FAM149A: variants seen among roughly 807,000 people sequenced by gnomAD.
FAM149A encodes protein FAM149A.
A neutral mutation model predicts 78.2 loss-of-function variants in FAM149A; 71 were observed. The observed-to-expected ratio is 0.91, with a 90% CI of 0.75 to 1.11. The LOEUF (loss-of-function observed/expected upper bound fraction) is 1.11. Ranked by LOEUF, FAM149A falls within the 50% of genes least tolerant of loss-of-function variation. FAM149A has a pLI of 0.00. For synonymous variants in FAM149A, 446 were observed against 410.5 expected (o/e 1.09, Z -1.04); for missense variants, 1,036 against 971.0 (o/e 1.07, Z -0.89).
intron 1 of FAM149A, chr4:186,123,861 TTA>T: frequency 1.2e-5 from 12 of 982,258 alleles, no homozygotes; most frequent in Non-Finnish European, 1.4e-5. Context: ...CAGCAAATAT[TTA>T]TGTGACAATC....
chr4:186,149,094 A>C, intron 1 of FAM149A, 79 bp from the exon 2 acceptor site: 2 of 1,172,440 alleles, frequency 1.7e-6, no homozygotes, highest in Non-Finnish European at 2.2e-6. Flanking sequence ...TTTGTATAAA[A>C]GAGAAATTTT....
At chr4:186,145,549 G>A (rs1417503029) in intron 1 of FAM149A, among the ~76,000 whole-genome samples, 1 of 152,200 alleles carries the variant, frequency 6.6e-6, no homozygotes, top group East Asian at 1.9e-4. Flanking sequence ...AGGTTTGTGG[G>A]CTGTCAAGAA....
At chr4:186,163,847 C>G (rs762917070) in intron 10 of FAM149A, among the ~76,000 whole-genome samples, 3 of 152,228 alleles carry the variant, frequency 2.0e-5, no homozygotes, top group Admixed American at 2.0e-4. Context: ...CCCTGTCACA[C>G]AGGCGGAATG....
chr4:186,155,462 C>G (rs1035432148), intron 6 of FAM149A, among the ~76,000 whole-genome samples: 1 of 152,100 alleles, frequency 6.6e-6, no homozygotes, highest in Non-Finnish European at 1.5e-5. Flanking sequence ...AGAAAACTCA[C>G]AAATATGTGT....
At chr4:186,120,328 A>G (rs572787098) in intron 1 of FAM149A, among the ~76,000 whole-genome samples, 1 of 152,354 alleles carries the variant, frequency 6.6e-6, no homozygotes, top group South Asian at 2.1e-4. Flanking sequence ...TAAATGTAAG[A>G]TTGAATTCCT....
chr4:186,105,138 C>T lies in FAM149A; in HGVS notation c.62C>T (p.Ala21Val), dbSNP rs1175916469. The change falls in exon 1 of 14, where the codon GCG (alanine) becomes GTG (valine). Residue 21 changes from alanine to valine, a missense_variant. Ala to Val is a moderately conservative substitution (Grantham distance 64, BLOSUM62 0). Transcript: ENST00000389354. Reference sequence around the variant, plus strand: ...GCCAAACTCTTCGAGACCTCGACGGCGCCCCCCGCAGGCCCCTCCTCCAGA... The same window carrying T: ...GCCAAACTCTTCGAGACCTCGACGGTGCCCCCCGCAGGCCCCTCCTCCAGA... 7.8e-7 allele frequency: 1 copy of T among 1,280,282 alleles called. No homozygotes were observed. Among genetic ancestry groups the T allele is most frequent in the Non-Finnish European group, 1.0e-6 (1 of 984,906 alleles). 79.3% of individuals were successfully genotyped at this position (1,280,282 alleles called of 1,614,324 possible).
chr4:186,171,486 C>CT (rs1301919379), intron 13 of FAM149A, among the ~76,000 whole-genome samples: 1 of 152,136 alleles, frequency 6.6e-6, no homozygotes, highest in Non-Finnish European at 1.5e-5. Flanking sequence ...GAACTACTAA[C>CT]TTATCAACTT....
At chr4:186,169,985 C>T (rs1406269285) in intron 13 of FAM149A, 3 of 962,120 alleles carry the variant, frequency 3.1e-6, no homozygotes, top group Non-Finnish European at 3.7e-6. Flanking sequence ...CCTCCTTAAC[C>T]ATTTTTTTAA....
intron 1 of FAM149A, among the ~76,000 whole-genome samples, chr4:186,129,252 C>T (rs2099319612): frequency 6.6e-6 from 1 of 151,884 alleles, no homozygotes; most frequent in Non-Finnish European, 1.5e-5. Flanking sequence ...TCTGTACCTT[C>T]CTGTCCCTGT....
intron 1 of FAM149A, among the ~76,000 whole-genome samples, chr4:186,115,345 C>T (rs1312428167): frequency 6.8e-6 from 1 of 146,790 alleles, no homozygotes; most frequent in East Asian, 2.1e-4. Flanking sequence ...TTTGAATGTC[C>T]TCCCGTAGCT....
At chr4:186,168,929 A>G (rs1735298732) in intron 13 of FAM149A, among the ~76,000 whole-genome samples, 2 of 152,282 alleles carry the variant, frequency 1.3e-5, no homozygotes, top group African/African-American at 4.8e-5. Context: ...GGAGATGACC[A>G]TCACAAGGGA....
intron 13 of FAM149A, chr4:186,170,967 A>G (rs1042776952): frequency 6.6e-6 from 1 of 152,348 alleles, no homozygotes; most frequent in Non-Finnish European, 1.5e-5. Context: ...GGAGCTCATC[A>G]TAAGCAGGAT....
chr4:186,164,284 A>G lies in FAM149A; in HGVS notation c.1889+651A>G, dbSNP rs1271911217. ...ACAAAACTTTATATTGTTGGGACTC[A>G]TACTATCCCAAATCTGAGATGAGGG... On this transcript the variant is annotated intron_variant, in intron 10 of 13. Coordinates refer to ENST00000389354, the MANE Select transcript of FAM149A (RefSeq NM_001367768.3). This position sits in a 1 kb window ranked among gnomAD's most constrained non-coding sequence, Gnocchi z 4.0. The G allele has an allele frequency of 6.4e-6, 1 of 156,824 alleles. No homozygotes were observed. 9.7% of individuals were successfully genotyped at this position (156,824 alleles called of 1,614,324 possible).
Position 186,150,568 on chromosome 4 carries a change from C to T in FAM149A, c.789+864C>T, listed in dbSNP as rs1420338370. Among the ~76,000 whole-genome samples the T allele has an allele frequency of 6.1e-3, 476 of 78,492 alleles. 9 individuals are homozygous for T. Among genetic ancestry groups the T allele is most frequent in the African/African-American group, 0.018 (449 of 25,396 alleles). The allele number at this position is 78,492 out of a possible 152,430, so 51.5% of individuals were successfully genotyped here. A position where few individuals can be genotyped will look rare whatever the true frequency, so the allele number is the denominator to read the frequency against. On this transcript the variant is annotated intron_variant, in intron 3 of 13. Coordinates refer to ENST00000389354, the MANE Select transcript of FAM149A (RefSeq NM_001367768.3). Reference sequence around the variant, plus strand: ...CCGAGTAGCTGGGACCACAGGCGCCCACCACCACGCCCGGCTAATTTTTTG... The same window carrying T: ...CCGAGTAGCTGGGACCACAGGCGCCTACCACCACGCCCGGCTAATTTTTTG...
At chr4:186,170,603 G>C (rs1433504959) in intron 13 of FAM149A, among the ~76,000 whole-genome samples, 3 of 152,224 alleles carry the variant, frequency 2.0e-5, no homozygotes, top group Non-Finnish European at 4.4e-5. Flanking sequence ...CCAGCACTGA[G>C]CAGCCTGGTG....
intron 1 of FAM149A, among the ~76,000 whole-genome samples, chr4:186,120,504 G>A (rs563471578): frequency 2.6e-5 from 4 of 152,124 alleles, no homozygotes; most frequent in East Asian, 1.9e-4. Flanking sequence ...TAAAAATCAC[G>A]TTAGTAAGAC....
intron 1 of FAM149A, among the ~76,000 whole-genome samples, chr4:186,132,485 A>G (rs1327472910): frequency 1.3e-5 from 2 of 152,230 alleles, no homozygotes; most frequent in African/African-American, 2.4e-5. Flanking sequence ...AAAAATATCT[A>G]AGACAGGTCT....
intron 1 of FAM149A, among the ~76,000 whole-genome samples, chr4:186,128,958 T>C (rs1390202278): frequency 6.6e-6 from 1 of 151,852 alleles, no homozygotes; most frequent in African/African-American, 2.4e-5. Flanking sequence ...TATGAGTATC[T>C]GTGTATGTGT....
chr4:186,126,625 G>A (rs1258238701), intron 1 of FAM149A, among the ~76,000 whole-genome samples: 4 of 152,050 alleles, frequency 2.6e-5, no homozygotes, highest in African/African-American at 7.2e-5. Flanking sequence ...CTCCACCCTC[G>A]AATTCTCAAG....
Sources: allele counts gnomAD v4.1 joint callset (sites outside exome capture counted in the v4.1 genomes callset), GRCh38; gene constraint gnomAD v4.1.1; non-coding constraint Gnocchi (gnomAD v3.1); transcripts MANE v1.5; gene names NCBI Gene and HGNC (gene_info 2026-07-23, HGNC 2026-07-21).